The following PDE3A variants were observed in gnomAD, a reference collection of about 807,000 sequenced individuals.
The protein encoded by PDE3A is phosphodiesterase 3A.
Under a neutral mutation model 98.3 loss-of-function variants are expected in PDE3A, and 43 were observed. The observed-to-expected ratio is 0.44, with a 90% CI of 0.34 to 0.56. The LOEUF (loss-of-function observed/expected upper bound fraction) is 0.56. PDE3A is among the 20% of genes least tolerant of loss of function. The pLI is 0.01. For synonymous variants in PDE3A, 663 were observed against 567.9 expected (o/e 1.17, Z -2.38); for missense variants, 1,427 against 1,440.7 (o/e 0.99, Z 0.15).
chr12:20,505,194 G>A (rs1028334964), intron 1 of PDE3A, among the ~76,000 whole-genome samples: 4 of 151,966 alleles, frequency 2.6e-5, no homozygotes, highest in African/African-American at 9.7e-5. Context: ...TTGAGATCCT[G>A]GTACAGTAAA....
At chr12:20,551,616 G>A in intron 1 of PDE3A, 2 of 1,569,866 alleles carry the variant, frequency 1.3e-6, no homozygotes, top group Non-Finnish European at 1.7e-6. Context: ...ACCCCGACAA[G>A]CAGCTCATGT....
intron 1 of PDE3A, among the ~76,000 whole-genome samples, chr12:20,448,205 C>T (rs955967884): frequency 2.6e-5 from 4 of 152,158 alleles, no homozygotes; most frequent in African/African-American, 4.8e-5. Flanking sequence ...TTTGGGAGGC[C>T]GAGGCGGGTG....
chr12:20,371,145 G>C (rs192164478), intron 1 of PDE3A, among the ~76,000 whole-genome samples: 3 of 152,314 alleles, frequency 2.0e-5, no homozygotes, highest in Admixed American at 2.0e-4. Context: ...GGATTATAAA[G>C]TTGTAAATAA....
At chr12:20,547,322 C>T (rs766971702) in intron 1 of PDE3A, among the ~76,000 whole-genome samples, 4 of 152,068 alleles carry the variant, frequency 2.6e-5, no homozygotes, top group Non-Finnish European at 5.9e-5. Context: ...CTGTGTTTAT[C>T]TTCTTCCTTC....
At chr12:20,643,252 T>C (rs994723111) in intron 10 of PDE3A, among the ~76,000 whole-genome samples, 3 of 152,180 alleles carry the variant, frequency 2.0e-5, no homozygotes, top group Non-Finnish European at 4.4e-5. Context: ...ATAGCTCTGA[T>C]AGCATTTCTT....
rs571850915 is a variant in PDE3A, at chr12:20,539,490, A to G, written c.961-17170A>G. 3.2e-4 allele frequency among the ~76,000 whole-genome samples: 48 copies of G among 152,266 alleles called. No homozygotes were observed. In the South Asian group the frequency reaches 5.6e-3, roughly 18 times the overall value. On this transcript the variant is annotated intron_variant, in intron 1 of 15. Transcript: ENST00000359062. ...CACAAGGTTATTTCAGATTGCAGTA[A>G]ATGCAGGAAACACACTTGGTCATAT...
intron 1 of PDE3A, among the ~76,000 whole-genome samples, chr12:20,468,241 CTTT>C (rs2120955222): frequency 6.6e-6 from 1 of 152,128 alleles, no homozygotes; most frequent in East Asian, 1.9e-4. Context: ...TGCTTTCTTT[CTTT>C]TTAATAACAT....
intron 1 of PDE3A, among the ~76,000 whole-genome samples, chr12:20,487,625 C>T (rs1181720357): frequency 6.6e-6 from 1 of 150,886 alleles, no homozygotes; most frequent in Non-Finnish European, 1.5e-5. Context: ...TGCACTCCAG[C>T]CTGGGCAACA....
rs1314121800 is a variant in PDE3A, at chr12:20,629,982, G to T, written c.1615G>T (p.Val539Phe). The change falls in exon 6 of 16, where the codon GTC becomes TTC. Residue 539 changes from valine to phenylalanine, a missense_variant. By Grantham distance (50) the Val-to-Phe change is conservative. Transcript: ENST00000359062. The stretch of plus-strand genomic sequence containing the variant: ...CCAAGGGACTCCTGCCAGCAGCCTG[G>T]TCAGCAAAATTTCTGCAGTGCAGTT... ...PLQGTPASSL[V>F]SKISAVQFPE... 6 of 1,613,894 alleles carry T rather than the reference G, an allele frequency of 3.7e-6. No individual in the cohort carries two copies. The highest frequency in any genetic ancestry group is 5.1e-6 in the Non-Finnish European group (6 of 1,179,976).
chr12:20,464,257 A>C (rs775148266), intron 1 of PDE3A, among the ~76,000 whole-genome samples: 2 of 152,198 alleles, frequency 1.3e-5, no homozygotes, highest in Non-Finnish European at 2.9e-5. Flanking sequence ...ATAATTCAAC[A>C]GAGTATGCCT....
chr12:20,428,989 A>G (rs1017437153), intron 1 of PDE3A, among the ~76,000 whole-genome samples: 10 of 152,228 alleles, frequency 6.6e-5, no homozygotes, highest in African/African-American at 2.4e-4. Context: ...TCACAAATGC[A>G]AATGTACAAA....
chr12:20,669,365 C>G (rs1945408005), intron 15 of PDE3A, among the ~76,000 whole-genome samples: 1 of 151,956 alleles, frequency 6.6e-6, no homozygotes, highest in Non-Finnish European at 1.5e-5. Context: ...AAAGATACTC[C>G]TCAAGAAGAG....
At chr12:20,451,969 C>T (rs1945073168) in intron 1 of PDE3A, among the ~76,000 whole-genome samples, 1 of 152,188 alleles carries the variant, frequency 6.6e-6, no homozygotes. Flanking sequence ...GGCTCTTCAT[C>T]TGATCAGTCT....
At chr12:20,543,181 G>T (rs1379092778) in intron 1 of PDE3A, among the ~76,000 whole-genome samples, 2 of 151,632 alleles carry the variant, frequency 1.3e-5, no homozygotes. Flanking sequence ...TGTCTACTCA[G>T]AACCTAAAAT....
intron 1 of PDE3A, among the ~76,000 whole-genome samples, chr12:20,405,031 T>C (rs1944207916): frequency 6.6e-6 from 1 of 151,882 alleles, no homozygotes; most frequent in African/African-American, 2.4e-5. Flanking sequence ...AGAGAATGAA[T>C]ATAGGATCAG....
chr12:20,395,091 G>A lies in PDE3A; in HGVS notation c.960+24847G>A, dbSNP rs144806750. 4.7e-3 allele frequency among the ~76,000 whole-genome samples: 722 copies of A among 152,140 alleles called. 5 individuals are homozygous for A. Among genetic ancestry groups the A allele is most frequent in the African/African-American group, 0.016 (678 of 41,514 alleles). ...GTTGATGGAGGGATTCAAATACAGC[G>A]CAGTGATTAAGATGCTGGATTTGTT... On this transcript the variant is annotated intron_variant, in intron 1 of 15. Transcript: ENST00000359062.
At chr12:20,665,825 AC>A (rs2120369621) in intron 15 of PDE3A, among the ~76,000 whole-genome samples, 1 of 152,070 alleles carries the variant, frequency 6.6e-6, no homozygotes, top group East Asian at 1.9e-4. Flanking sequence ...GTAATATGCA[AC>A]TTTTTGTATT....
At chr12:20,660,716 G>A (rs541260383) in intron 15 of PDE3A, among the ~76,000 whole-genome samples, 2 of 152,314 alleles carry the variant, frequency 1.3e-5, no homozygotes, top group South Asian at 2.1e-4. Context: ...TAAGATGTGA[G>A]TTGCTTCTCC....
At chr12:20,658,794 C>A (rs960272747) in intron 15 of PDE3A, among the ~76,000 whole-genome samples, 3 of 151,972 alleles carry the variant, frequency 2.0e-5, no homozygotes, top group African/African-American at 7.3e-5. Flanking sequence ...TGTAAGACTG[C>A]AAAGCTAATT....
Sources: gnomAD v4.1 joint callset for allele counts (sites outside exome capture counted in the v4.1 genomes callset) on GRCh38, gnomAD v4.1.1 for gene constraint, MANE v1.5 for transcripts, NCBI Gene and HGNC (gene_info 2026-07-23, HGNC 2026-07-21) for gene names.